PDE4B: variants seen among roughly 807,000 people sequenced by gnomAD.
PDE4B encodes 3',5'-cyclic-AMP phosphodiesterase 4B.
A neutral mutation model predicts 82.2 loss-of-function variants in PDE4B; 20 were observed. That is an observed-to-expected ratio of 0.24 (90% CI 0.17 to 0.35). The LOEUF (loss-of-function observed/expected upper bound fraction) is 0.35. Among genes scored for constraint, PDE4B ranks in the 10% least tolerant of loss-of-function variants. The probability of loss-of-function intolerance (pLI) is 1.00; values close to 1 mark genes in which losing one functional copy is unlikely to be tolerated. For synonymous variants in PDE4B, 320 were observed against 318.9 expected (o/e 1.00, Z -0.04); for missense variants, 655 against 907.2 (o/e 0.72, Z 3.57).
chr1:66,258,991 A>G (rs1447380505), intron 6 of PDE4B, among the ~76,000 whole-genome samples: 1 of 152,184 alleles, frequency 6.6e-6, no homozygotes, highest in African/African-American at 2.4e-5. Flanking sequence ...TCAGTGGTCC[A>G]GTGTTATCAT....
intron 3 of PDE4B, among the ~76,000 whole-genome samples, chr1:66,244,975 G>T (rs907394729): frequency 6.6e-6 from 1 of 152,162 alleles, no homozygotes; most frequent in African/African-American, 2.4e-5. Flanking sequence ...CACTAGGAAT[G>T]CCTTTAGCAA....
intron 1 of PDE4B, among the ~76,000 whole-genome samples, chr1:65,828,517 A>AT (rs1646044919): frequency 6.6e-6 from 1 of 152,178 alleles, no homozygotes; most frequent in South Asian, 2.1e-4. Flanking sequence ...AAGTGCTGGG[A>AT]TTACAGGGGT....
At position 66,065,562 on chromosome 1, in the gene PDE4B, C is replaced by T. The variant is rs571853497; in HGVS notation, c.281+146727C>T. On this transcript the variant is annotated intron_variant, in intron 3 of 16. Transcript: ENST00000341517. ...AATAAGTCTGTTTATGTCTTGAATG[C>T]GGGAACTGTATTGTACTTCTTTGAC... Among the ~76,000 whole-genome samples the T allele has an allele frequency of 4.6e-5, 7 of 151,318 alleles. No individual in the cohort carries two copies. In the South Asian group the frequency reaches 6.4e-4, roughly 14 times the overall value.
At chr1:65,951,134 A>T (rs754861296) in intron 3 of PDE4B, among the ~76,000 whole-genome samples, 9 of 151,958 alleles carry the variant, frequency 5.9e-5, no homozygotes, top group Non-Finnish European at 1.3e-4. Flanking sequence ...GTTATTCCCT[A>T]CTGAGTTAAC....
At chr1:65,940,995 T>A (rs1648415457) in intron 3 of PDE4B, among the ~76,000 whole-genome samples, 1 of 142,094 alleles carries the variant, frequency 7.0e-6, no homozygotes, top group Non-Finnish European at 1.6e-5. Flanking sequence ...AATGTTGATA[T>A]TTTGCTTTTT....
chr1:66,214,024 A>T (rs2101584435), intron 3 of PDE4B, among the ~76,000 whole-genome samples: 1 of 152,302 alleles, frequency 6.6e-6, no homozygotes, highest in East Asian at 1.9e-4. Context: ...TACAGTAAAA[A>T]ATAATATTTT....
At chr1:66,076,225 A>T (rs868320) in intron 3 of PDE4B, among the ~76,000 whole-genome samples, 127,862 of 152,126 alleles carry the variant, frequency 0.84, 53,916 homozygotes, top group Non-Finnish European at 0.87. Context: ...CTCACCTTTA[A>T]GTCCATGTGT....
At chr1:66,227,889 C>T (rs200132673) in intron 3 of PDE4B, among the ~76,000 whole-genome samples, 3 of 152,198 alleles carry the variant, frequency 2.0e-5, no homozygotes, top group African/African-American at 7.2e-5. Flanking sequence ...TAGTTGAGGA[C>T]ATCTCGGGCC....
chr1:66,076,532 A>C (rs1327627792), intron 3 of PDE4B, among the ~76,000 whole-genome samples: 1 of 152,026 alleles, frequency 6.6e-6, no homozygotes. Context: ...TTGGGTATAT[A>C]CTCAGTTAAG....
At chr1:65,978,187 C>T (rs1037887777) in intron 3 of PDE4B, among the ~76,000 whole-genome samples, 1 of 149,952 alleles carries the variant, frequency 6.7e-6, no homozygotes, top group Non-Finnish European at 1.5e-5. Context: ...ACCAGCACAC[C>T]CGGGTAATTT....
chr1:66,295,903 G>A (rs1217393005), intron 7 of PDE4B, among the ~76,000 whole-genome samples: 2 of 152,018 alleles, frequency 1.3e-5, no homozygotes, highest in South Asian at 2.1e-4. Flanking sequence ...CATCTCTCTG[G>A]CACTCCATCC....
At chr1:65,796,163 T>C (rs1170301054) in intron 1 of PDE4B, among the ~76,000 whole-genome samples, 1 of 152,206 alleles carries the variant, frequency 6.6e-6, no homozygotes, top group Non-Finnish European at 1.5e-5. Flanking sequence ...ATATCTTCAT[T>C]TTTTGGAAGT....
At chr1:66,146,444 A>G (rs190808063) in intron 3 of PDE4B, among the ~76,000 whole-genome samples, 130 of 152,030 alleles carry the variant, frequency 8.6e-4, no homozygotes, top group Non-Finnish European at 1.3e-3. Context: ...TCGGCCTCCC[A>G]AAGTGCTGGG....
intron 3 of PDE4B, among the ~76,000 whole-genome samples, chr1:66,204,816 C>A (rs543987840): frequency 3.5e-4 from 53 of 152,322 alleles, no homozygotes; most frequent in African/African-American, 1.3e-3. Context: ...AATGCCTTGC[C>A]CTGCTTCAGC....
intron 1 of PDE4B, among the ~76,000 whole-genome samples, chr1:65,838,130 C>A (rs2101328827): frequency 6.6e-6 from 1 of 152,262 alleles, no homozygotes; most frequent in South Asian, 2.1e-4. Context: ...TTCCTCTTGA[C>A]TTCCTTTTTT....
chr1:66,194,032 G>A (rs185151689), intron 3 of PDE4B, among the ~76,000 whole-genome samples: 5 of 150,904 alleles, frequency 3.3e-5, no homozygotes, highest in African/African-American at 1.2e-4. Context: ...TCAGCAAGTC[G>A]TTTTTCATAG....
chr1:65,802,340 A>G (rs1645703102), intron 1 of PDE4B, among the ~76,000 whole-genome samples: 1 of 152,184 alleles, frequency 6.6e-6, no homozygotes, highest in African/African-American at 2.4e-5. Context: ...TAAAGCTTCC[A>G]GGCATGACAT....
chr1:66,343,074 A>C (rs915569014), intron 8 of PDE4B, among the ~76,000 whole-genome samples: 2 of 152,258 alleles, frequency 1.3e-5, no homozygotes, highest in African/African-American at 2.4e-5. Flanking sequence ...ACAACAACAA[A>C]AAAAAACAAA....
intron 1 of PDE4B, among the ~76,000 whole-genome samples, chr1:65,825,002 C>T (rs1358921766): frequency 2.6e-5 from 4 of 152,126 alleles, no homozygotes; most frequent in Non-Finnish European, 5.9e-5. Flanking sequence ...ATGAAATCCC[C>T]CAGTACCATT....
Sources: allele counts gnomAD v4.1 joint callset (sites outside exome capture counted in the v4.1 genomes callset), GRCh38; gene constraint gnomAD v4.1.1; transcripts MANE v1.5; gene names NCBI Gene and HGNC (gene_info 2026-07-23, HGNC 2026-07-21).